IARS1: variants seen among roughly 807,000 people sequenced by gnomAD.
IARS1 encodes isoleucyl-tRNA synthetase 1.
Under a neutral mutation model 168.2 loss-of-function variants are expected in IARS1, and 124 were observed. The ratio of observed to expected loss-of-function variants is 0.74; its 90% CI spans 0.64 to 0.86. The LOEUF is 0.86. IARS1 is among the 40% of genes least tolerant of loss of function. The pLI is 0.00. For missense variants in IARS1, 1,452 were observed against 1,515.8 expected (o/e 0.96, Z 0.70); for synonymous variants, 532 against 529.4 (o/e 1.00, Z -0.07).
Position 92,242,349 on chromosome 9 carries a change from A to G in IARS1, c.3001-19T>C. ...GATTGCACTGAAAACACACACAGAAAAATTTAAAAGGGAAGTACATTCTAT... is the reference window on the plus strand; with the variant it reads ...GATTGCACTGAAAACACACACAGAAGAATTTAAAAGGGAAGTACATTCTAT... On this transcript the variant is annotated intron_variant, in intron 28 of 33. Transcript: ENST00000443024. The G allele has an allele frequency of 6.3e-7, 1 of 1,599,544 alleles. No homozygotes were observed. The highest frequency in any genetic ancestry group is 8.5e-7 in the Non-Finnish European group (1 of 1,172,412).
In IARS1 at chr9:92,289,431, A is replaced by G. The variant is rs1376784642; in HGVS notation, c.-7-5T>C. ...ACTTGTTGAAGCATTTTGTTGCTGC[A>G]AAAGAAATCAAATTTATTACTGTCA... On this transcript the variant is annotated splice_region_variant and splice_polypyrimidine_tract_variant and intron_variant, in intron 1 of 33. Transcript: ENST00000443024. 1 of 1,161,152 alleles carries G rather than the reference A, an allele frequency of 8.6e-7. No homozygotes were observed. The highest frequency in any genetic ancestry group is 1.5e-5 in the African/African-American group (1 of 66,116). 71.9% of individuals were successfully genotyped at this position (1,161,152 alleles called of 1,614,324 possible).
At position 92,243,212 on chromosome 9, in the gene IARS1, T is replaced by C; in HGVS notation, c.3000+4A>G. 1.2e-6 allele frequency: 2 copies of C among 1,610,814 alleles called. No individual in the cohort carries two copies. Among genetic ancestry groups the C allele is most frequent in the Non-Finnish European group, 1.7e-6 (2 of 1,177,192 alleles). ...AGTAGCTTATTCTTAACTGACAAAC[T>C]AACCTTTTTGCGAAGTTTCTGTATG... On this transcript the variant is annotated splice_donor_region_variant and intron_variant, in intron 28 of 33. Coordinates refer to ENST00000443024, the MANE Select transcript of IARS1 (RefSeq NM_002161.6).
chr9:92,250,051 TA>T, intron 24 of IARS1, 110 bp from the exon 25 acceptor site: 1 of 849,260 alleles, frequency 1.2e-6, no homozygotes, highest in South Asian at 1.5e-5. Context: ...CAGGCTGGAC[TA>T]GTACTAAGTC....
intron 2 of IARS1, 64 bp from the exon 3 acceptor site, chr9:92,288,346 T>C (rs1835785900): frequency 3.6e-6 from 5 of 1,383,156 alleles, no homozygotes; most frequent in Admixed American, 1.7e-5. Flanking sequence ...CATTTTTCTA[T>C]AGATAGCTCT....
intron 33 of IARS1, among the ~76,000 whole-genome samples, chr9:92,215,400 C>CA (rs1184857844): frequency 6.6e-6 from 1 of 152,206 alleles, no homozygotes; most frequent in Non-Finnish European, 1.5e-5. Flanking sequence ...TCCTCACCAG[C>CA]AACGGAACAA....
chr9:92,251,289 T>G (rs1290136117), intron 22 of IARS1: 2 of 378,054 alleles, frequency 5.3e-6, no homozygotes, highest in African/African-American at 4.2e-5. Context: ...TTATAACATA[T>G]GGAGTAAAGG....
intron 9 of IARS1, among the ~76,000 whole-genome samples, chr9:92,274,962 T>C (rs2133900570): frequency 6.6e-6 from 1 of 152,326 alleles, no homozygotes; most frequent in East Asian, 1.9e-4. Context: ...AAGGCAAATC[T>C]TGAAAGGAAC....
rs1304738764 is a variant in IARS1, at chr9:92,282,596, T to A, written c.598-1703A>T. Among the ~76,000 whole-genome samples, 3 of 151,974 alleles carry A rather than the reference T, an allele frequency of 2.0e-5. No individual in the cohort carries two copies. The East Asian group carries it at 5.8e-4, about 29-fold the overall frequency. ...GACCAGCTGGGGCAATATGGTGAGATCCCATCTCTACAAAGATAAAAAAAT... is the reference window on the plus strand; with the variant it reads ...GACCAGCTGGGGCAATATGGTGAGAACCCATCTCTACAAAGATAAAAAAAT... On this transcript the variant is annotated intron_variant, in intron 6 of 33. Coordinates refer to ENST00000443024, the MANE Select transcript of IARS1 (RefSeq NM_002161.6).
Position 92,250,793 on chromosome 9 carries a change from A to G in IARS1, c.2349T>C (p.Asn783=), listed in dbSNP as rs1211558533. ...TPFLTELMYQ[N]LKVLIDPVSV... ...AAACAGGGTCAATCAGCACCTTTAG[A>G]TTCTGGTACATCAATTCAGTGAGAA... The change falls in exon 23 of 34, where the codon AAT becomes AAC. Residue 783 remains asparagine (N), a synonymous_variant. Transcript: ENST00000443024. 1 of 1,613,358 alleles carries G rather than the reference A, an allele frequency of 6.2e-7. No homozygotes were observed. The highest frequency in any genetic ancestry group is 2.2e-5 in the East Asian group (1 of 44,886).
chr9:92,262,529 A>C lies in IARS1; in HGVS notation c.1787+440T>G, dbSNP rs1248861533. Among the ~76,000 whole-genome samples the C allele has an allele frequency of 2.6e-5, 4 of 152,214 alleles. No individual in the cohort carries two copies. The East Asian group carries it at 7.7e-4, about 29-fold the overall frequency. ...TGGGAGGAAGTTTCAGATGAGGGGA[A>C]GAATGGGATCTGGTGGCAGAGTACC... On this transcript the variant is annotated intron_variant, in intron 17 of 33. Transcript: ENST00000443024.
At position 92,271,531 on chromosome 9, in the gene IARS1, A is replaced by C. The variant is rs746813583; in HGVS notation, c.1113+2T>G. 4.3e-6 allele frequency: 7 copies of C among 1,613,926 alleles called. No homozygotes were observed. In the African/African-American group the frequency reaches 9.3e-5, roughly 22 times the overall value. On this transcript the variant is annotated splice_donor_variant, in intron 11 of 33. Coordinates refer to ENST00000443024, the MANE Select transcript of IARS1 (RefSeq NM_002161.6). LOFTEE classifies it high-confidence loss of function. ...CCCTTCTATGCTATATGGATTACAG[A>C]CCTTCACATACTGTCCTGCGAAATC...
Position 92,242,268 on chromosome 9 carries a change from A to G in IARS1, c.3063T>C (p.Tyr1021=), listed in dbSNP as rs760192920. The G allele has an allele frequency of 3.7e-6, 6 of 1,613,878 alleles. No homozygotes were observed. Among genetic ancestry groups the G allele is most frequent in the South Asian group, 1.1e-5 (1 of 91,080 alleles). Residue 1021 remains tyrosine (Y), a synonymous_variant, in exon 29 of 34, where the codon TAT becomes TAC. Transcript: ENST00000443024. The part of the protein sequence containing the change: ...VYYKAKSEGT[Y]LNSVIESHTE... ...TGTGGCTTTCAATAACACTATTCAG[A>G]TATGTTCCTTCAGACTTTGCTTTAT... is the stretch of plus-strand genomic sequence containing the variant.
intron 6 of IARS1, among the ~76,000 whole-genome samples, chr9:92,284,083 G>A (rs1477863300): frequency 6.6e-6 from 1 of 152,122 alleles, no homozygotes; most frequent in African/African-American, 2.4e-5. Context: ...GGGGCTGAAA[G>A]GGGAGATCAC....
At chr9:92,260,081 G>C in intron 18 of IARS1, 70 bp downstream of exon 18, 1 of 1,014,726 alleles carries the variant, frequency 9.9e-7, no homozygotes, top group South Asian at 1.3e-5. Flanking sequence ...TAAGAATACT[G>C]ATTAATAGTA....
At chr9:92,221,226 T>C (rs1417413210) in intron 33 of IARS1, among the ~76,000 whole-genome samples, 1 of 150,648 alleles carries the variant, frequency 6.6e-6, no homozygotes, top group East Asian at 2.0e-4. Context: ...TAGGATAGAG[T>C]GAGAAAGTCC....
intron 17 of IARS1, among the ~76,000 whole-genome samples, chr9:92,260,612 G>A (rs1469092402): frequency 1.3e-5 from 2 of 152,090 alleles, no homozygotes; most frequent in Non-Finnish European, 1.5e-5. Flanking sequence ...CCAAGATCGC[G>A]CCACTACACT....
At chr9:92,269,747 AAC>A (rs1224621615) in intron 13 of IARS1, 136 bp downstream of exon 13, 30 of 583,536 alleles carry the variant, frequency 5.1e-5, no homozygotes, top group Non-Finnish European at 6.2e-6. Flanking sequence ...TGTGCTCCTA[AAC>A]ACACAGAAGA....
At chr9:92,242,675 G>A (rs936006665) in intron 28 of IARS1, 7 of 245,410 alleles carry the variant, frequency 2.9e-5, no homozygotes, top group Non-Finnish European at 5.5e-5. Context: ...AGCCTCCTCA[G>A]ACCTTGAACC....
At chr9:92,280,946 C>G in intron 6 of IARS1, 53 bp from the exon 7 acceptor site, 2 of 1,330,454 alleles carry the variant, frequency 1.5e-6, no homozygotes, top group Admixed American at 4.2e-5. Flanking sequence ...TAACAGACAC[C>G]TAAGAAAAAG....
Sources: allele counts gnomAD v4.1 joint callset (sites outside exome capture counted in the v4.1 genomes callset), GRCh38; gene constraint gnomAD v4.1.1; transcripts MANE v1.5; gene names NCBI Gene and HGNC (gene_info 2026-07-23, HGNC 2026-07-21).